The following PRKCB variants were observed in gnomAD, a reference collection of about 807,000 sequenced individuals.
PRKCB encodes protein kinase C beta type.
In PRKCB, 13 loss-of-function variants were observed where a neutral mutation model predicts 81.5. The observed-to-expected ratio is 0.16, with a 90% confidence interval of 0.10 to 0.25. The LOEUF (loss-of-function observed/expected upper bound fraction) is 0.25. Ranked by LOEUF, PRKCB falls within the 10% of genes least tolerant of loss-of-function variation. The pLI is 1.00. For missense variants in PRKCB, 509 were observed against 875.7 expected, an observed-to-expected ratio of 0.58 and a Z score of 5.29; for synonymous variants, 335 against 321.4, an observed-to-expected ratio of 1.04 and a Z score of -0.45.
intron 5 of PRKCB, among the ~76,000 whole-genome samples, chr16:24,079,876 T>C (rs1966227392): frequency 6.6e-6 from 1 of 152,232 alleles, no homozygotes; most frequent in East Asian, 1.9e-4. Flanking sequence ...GGTATATTTA[T>C]TACGTCAAGA....
At chr16:23,849,357 G>A (rs982058108) in intron 2 of PRKCB, among the ~76,000 whole-genome samples, 1 of 152,160 alleles carries the variant, frequency 6.6e-6, no homozygotes, top group Admixed American at 6.5e-5. Flanking sequence ...AAGGACGGTC[G>A]CTTGTCTCAT....
At chr16:24,148,013 G>C (rs430151) in intron 9 of PRKCB, among the ~76,000 whole-genome samples, 55,109 of 151,796 alleles carry the variant, frequency 0.36, 10,361 homozygotes, top group South Asian at 0.47. Flanking sequence ...CTGGATCTCT[G>C]TGATTCTATT....
At chr16:23,946,748 G>C (rs1194135590) in intron 2 of PRKCB, among the ~76,000 whole-genome samples, 3 of 152,174 alleles carry the variant, frequency 2.0e-5, no homozygotes, top group Non-Finnish European at 4.4e-5. Context: ...TGATCCAGTA[G>C]GTCTGGGGAG....
At chr16:24,101,672 G>C (rs1422222072) in intron 7 of PRKCB, among the ~76,000 whole-genome samples, 1 of 152,244 alleles carries the variant, frequency 6.6e-6, no homozygotes, top group Non-Finnish European at 1.5e-5. Context: ...GAGTTAGTTA[G>C]GTCCGATTTC....
intron 3 of PRKCB, among the ~76,000 whole-genome samples, chr16:24,010,741 A>G (rs1022765140): frequency 1.3e-5 from 2 of 152,118 alleles, no homozygotes; most frequent in African/African-American, 4.8e-5. Flanking sequence ...AGGTTTTGGG[A>G]GGAAGATTCA....
chr16:23,896,903 T>A (rs1055689856), intron 2 of PRKCB, among the ~76,000 whole-genome samples: 7 of 151,460 alleles, frequency 4.6e-5, no homozygotes, highest in Non-Finnish European at 1.0e-4. Context: ...CATCCATCCA[T>A]CCATCCATCC....
intron 2 of PRKCB, among the ~76,000 whole-genome samples, chr16:23,968,748 C>T (rs1964520106): frequency 6.6e-6 from 1 of 152,164 alleles, no homozygotes; most frequent in African/African-American, 2.4e-5. Context: ...GCTTCCCTAC[C>T]TTGAAAGTGG....
intron 2 of PRKCB, among the ~76,000 whole-genome samples, chr16:23,883,078 A>G (rs891750273): frequency 3.3e-5 from 5 of 152,180 alleles, no homozygotes; most frequent in Non-Finnish European, 7.3e-5. Context: ...GGCTGGGGGC[A>G]TAGCGTGGCT....
chr16:24,214,810 G>C lies in PRKCB; in HGVS notation c.2016G>C (p.Lys672Asn). The C allele has an allele frequency of 6.2e-7, 1 of 1,613,964 alleles. No individual in the cohort carries two copies. The highest frequency in any genetic ancestry group is 8.5e-7 in the Non-Finnish European group (1 of 1,179,910). ...CTGAATTTTTAAAACCCGAAGTCAA[G>C]AGCTAAGTAGATGTGTAGATCTCCG... ...VNSEFLKPEVKS is the reference protein window; with the variant it reads ...VNSEFLKPEVNS The change falls in exon 17 of 17, where the codon AAG (lysine) becomes AAC (asparagine). Residue 672 changes from lysine to asparagine, a missense_variant. Physicochemically the swap from Lys to Asn is moderately conservative, Grantham distance 94 (BLOSUM62 0). Coordinates refer to ENST00000643927, the MANE Select transcript of PRKCB (RefSeq NM_002738.7).
chr16:24,128,428 T>C (rs532423695), intron 9 of PRKCB, among the ~76,000 whole-genome samples: 10 of 152,328 alleles, frequency 6.6e-5, no homozygotes, highest in Admixed American at 5.2e-4. Context: ...AACTAGGGAA[T>C]GGCACAAGCC....
chr16:24,000,164 T>G (rs1320706337), intron 3 of PRKCB, among the ~76,000 whole-genome samples: 1 of 152,174 alleles, frequency 6.6e-6, no homozygotes, highest in Non-Finnish European at 1.5e-5. Flanking sequence ...GGAGAGGAAG[T>G]ATCTATGGTT....
rs369094166 is a variant in PRKCB, at chr16:23,962,785, G to GT, written c.206-25716dup. ...TTTGATAGTTTTGGGGGAGCAAGTG[G>GT]TTTTTTTGGTTACATGGATAAGTTC... On this transcript the variant is annotated intron_variant, in intron 2 of 16. Coordinates refer to ENST00000643927, the MANE Select transcript of PRKCB (RefSeq NM_002738.7). 3.3e-3 allele frequency among the ~76,000 whole-genome samples: 498 copies of GT among 151,954 alleles called. 4 individuals are homozygous for GT. Among genetic ancestry groups the GT allele is most frequent in the African/African-American group, 0.011 (468 of 41,426 alleles).
intron 2 of PRKCB, among the ~76,000 whole-genome samples, chr16:23,926,862 C>T (rs970145115): frequency 2.0e-5 from 3 of 152,038 alleles, no homozygotes; most frequent in African/African-American, 7.2e-5. Context: ...AGGCAGCTCC[C>T]AAGCTTCAAA....
intron 3 of PRKCB, among the ~76,000 whole-genome samples, chr16:24,000,732 A>G (rs931213329): frequency 9.9e-5 from 15 of 152,176 alleles, no homozygotes; most frequent in African/African-American, 3.6e-4. Flanking sequence ...TGTACTGACA[A>G]TTCTCTACAT....
chr16:24,153,152 A>G lies in PRKCB; in HGVS notation c.1066-1532A>G, dbSNP rs73550932. On this transcript the variant is annotated intron_variant, in intron 9 of 16. Transcript: ENST00000643927. ...TGTGCAGAGCTGCCTTCCTGCTGCT[A>G]AGCTTATTCTATATGTCACCCCTTC... Among the ~76,000 whole-genome samples the G allele has an allele frequency of 7.3e-3, 1,106 of 152,188 alleles. 10 individuals carry two copies. Among genetic ancestry groups the G allele is most frequent in the African/African-American group, 0.025 (1,033 of 41,526 alleles).
At chr16:24,155,263 A>C (rs1019504469) in intron 10 of PRKCB, among the ~76,000 whole-genome samples, 10 of 152,156 alleles carry the variant, frequency 6.6e-5, no homozygotes, top group African/African-American at 2.4e-4. Flanking sequence ...CATGGGCCTC[A>C]TTGGAGGGAG....
At chr16:23,924,269 A>G (rs1366310721) in intron 2 of PRKCB, among the ~76,000 whole-genome samples, 2 of 152,040 alleles carry the variant, frequency 1.3e-5, no homozygotes, top group African/African-American at 4.8e-5. Context: ...GCCTTCTGTC[A>G]TAATTGTAAG....
chr16:23,921,084 G>T (rs886201225), intron 2 of PRKCB, among the ~76,000 whole-genome samples: 2 of 152,152 alleles, frequency 1.3e-5, no homozygotes, highest in Non-Finnish European at 2.9e-5. Flanking sequence ...AGAACAGTAT[G>T]GGGGAAACCA....
intron 3 of PRKCB, among the ~76,000 whole-genome samples, chr16:24,006,084 C>G (rs944166426): frequency 6.6e-6 from 1 of 152,142 alleles, no homozygotes; most frequent in Non-Finnish European, 1.5e-5. Context: ...TCCCTTCTTC[C>G]CTCTCTCACT....
Sources: gnomAD v4.1 joint callset for allele counts (sites outside exome capture counted in the v4.1 genomes callset) on GRCh38, gnomAD v4.1.1 for gene constraint, MANE v1.5 for transcripts, NCBI Gene and HGNC (gene_info 2026-07-23, HGNC 2026-07-21) for gene names.